IRAG2: variants seen among roughly 807,000 people sequenced by gnomAD.
The protein encoded by IRAG2 is inositol 1,4,5-triphosphate receptor associated 2.
Under a neutral mutation model 69.9 loss-of-function variants are expected in IRAG2, and 45 were observed. The ratio of observed to expected loss-of-function variants is 0.64; its 90% CI spans 0.51 to 0.83. The LOEUF is 0.83. Ranked by LOEUF, IRAG2 falls within the 40% of genes least tolerant of loss-of-function variation. The pLI is 0.00. For missense variants in IRAG2, 520 were observed against 587.0 expected, an observed-to-expected ratio of 0.89 and a Z score of 1.18; for synonymous variants, 193 against 202.4, an observed-to-expected ratio of 0.95 and a Z score of 0.40.
chr12:25,067,082 T>C (rs770611903), intron 5 of IRAG2, among the ~76,000 whole-genome samples: 38 of 152,216 alleles, frequency 2.5e-4, no homozygotes, highest in Admixed American at 1.2e-3. Context: ...GTTTCCACTT[T>C]TTAGGACTAT....
chr12:25,033,756 T>C (rs1944686122), intron 12 of IRAG2: 1 of 395,344 alleles, frequency 2.5e-6, no homozygotes, highest in Non-Finnish European at 4.5e-6. Context: ...TGGCACTGAT[T>C]GTTTCGTGAT....
intron 20 of IRAG2, among the ~76,000 whole-genome samples, chr12:25,104,823 A>G (rs1341420618): frequency 6.6e-6 from 1 of 152,190 alleles, no homozygotes; most frequent in Admixed American, 6.5e-5. Context: ...AACATGAGAT[A>G]TATAACGTAC....
chr12:24,999,838 G>T (rs1238079726), upstream of IRAG2, among the ~76,000 whole-genome samples: 2 of 148,816 alleles, frequency 1.3e-5, no homozygotes, highest in East Asian at 3.9e-4. Flanking sequence ...AAAAATACAA[G>T]ACAGCCAGTG....
chr12:25,102,726 T>C (rs1055399220), intron 17 of IRAG2: 1 of 153,786 alleles, frequency 6.5e-6, no homozygotes, highest in Admixed American at 6.5e-5. Context: ...CAAAGTAACA[T>C]TTCTCTTTCC....
chr12:25,009,800 A>T (rs1248068190), intron 2 of IRAG2, among the ~76,000 whole-genome samples: 1 of 20,742 alleles, frequency 4.8e-5, no homozygotes. Flanking sequence ...CAAGTCTAGA[A>T]GCAGGAAAAA....
intron 12 of IRAG2, chr12:25,032,431 C>A (rs1944674975): frequency 2.5e-6 from 1 of 398,646 alleles, no homozygotes; most frequent in African/African-American, 2.1e-5. Flanking sequence ...ATTATTGGCC[C>A]AATTGAGCTT....
At chr12:25,006,760 T>C (rs942552330) in intron 2 of IRAG2, among the ~76,000 whole-genome samples, 9 of 152,140 alleles carry the variant, frequency 5.9e-5, no homozygotes, top group African/African-American at 1.9e-4. Flanking sequence ...CAGTCACATA[T>C]TATGCTCAGT....
At chr12:25,005,168 CA>C (rs59249841) in intron 1 of IRAG2, 157,010 of 602,822 alleles carry the variant, frequency 0.26, 2,970 homozygotes, top group East Asian at 0.42. Flanking sequence ...TTTGTTAAAC[CA>C]AAAAAAAAAA....
At chr12:25,048,971 T>G (rs1944819179), upstream of IRAG2, among the ~76,000 whole-genome samples, 1 of 152,350 alleles carries the variant, frequency 6.6e-6, no homozygotes, top group East Asian at 1.9e-4. Flanking sequence ...GTTTCAATTT[T>G]CTGCATGTAG....
intron 13 of IRAG2, 48 bp from the exon 14 acceptor site, chr12:25,090,009 A>G (rs751559786): frequency 1.3e-6 from 2 of 1,585,638 alleles, no homozygotes; most frequent in Non-Finnish European, 1.7e-6. Flanking sequence ...ATCTGACCAC[A>G]TCCGGTTTTC....
chr12:25,106,833 A>G (rs2140283783), intron 20 of IRAG2, 110 bp from the exon 21 acceptor site: 2 of 413,330 alleles, frequency 4.8e-6, no homozygotes, highest in Non-Finnish European at 8.7e-6. Context: ...CCTAAAACAG[A>G]ACAAATATTT....
intron 3 of IRAG2, among the ~76,000 whole-genome samples, chr12:25,013,898 A>G: frequency 1.0e-5 from 1 of 100,068 alleles, no homozygotes. Flanking sequence ...TTTTTGAGAC[A>G]GAGTCTCGCT....
intron 14 of IRAG2, among the ~76,000 whole-genome samples, chr12:25,092,030 G>A (rs1025993903): frequency 6.6e-6 from 1 of 152,214 alleles, no homozygotes; most frequent in Non-Finnish European, 1.5e-5. Context: ...ACTTTGGAAG[G>A]CTGAGGCAGG....
chr12:25,026,773 C>T, intron 8 of IRAG2: 1 of 1,165,450 alleles, frequency 8.6e-7, no homozygotes, highest in South Asian at 4.3e-5. Flanking sequence ...TCCAAGAATA[C>T]TATCTTTTAC....
chr12:25,098,449 G>T (rs541129983), intron 15 of IRAG2, among the ~76,000 whole-genome samples: 1 of 152,116 alleles, frequency 6.6e-6, no homozygotes, highest in Admixed American at 6.5e-5. Context: ...GCCTCCCAGC[G>T]TGTGAATCCT....
intron 1 of IRAG2, among the ~76,000 whole-genome samples, chr12:25,057,152 G>A (rs1478655918): frequency 6.6e-6 from 1 of 151,434 alleles, no homozygotes; most frequent in Admixed American, 6.6e-5. Context: ...TGATGCATGT[G>A]ATCTTCTTAG....
intron 8 of IRAG2, among the ~76,000 whole-genome samples, chr12:25,024,507 G>A (rs1944607676): frequency 6.6e-6 from 1 of 152,126 alleles, no homozygotes; most frequent in South Asian, 2.1e-4. Context: ...GAAGAACAGG[G>A]AACAAGCTAC....
rs947535434 is a variant in IRAG2 at position 25,023,905 on chromosome 12, G to A, written c.1367G>A (p.Arg456Gln). 4.9e-6 allele frequency: 6 copies of A among 1,227,340 alleles called. No individual in the cohort carries two copies. In the East Asian group the frequency reaches 9.5e-5, roughly 19 times the overall value. 76.0% of individuals were successfully genotyped at this position (1,227,340 alleles called of 1,614,324 possible). A position where few individuals can be genotyped will look rare whatever the true frequency, so the allele number is the denominator to read the frequency against. The change falls in exon 8 of 39, where the codon CGG becomes CAG. Residue 456 changes from arginine to glutamine, a missense_variant. By Grantham distance (43) the Arg-to-Gln change is conservative (BLOSUM62 1). Transcript: ENST00000636465. ...AACCGGGCTCTGATTCTTAAGATTC[G>A]GATTCTACAGGAAGAGGTATGTCAG...
chr12:25,055,112 G>T (rs954225327), intron 1 of IRAG2, among the ~76,000 whole-genome samples: 2 of 152,196 alleles, frequency 1.3e-5, no homozygotes, highest in Non-Finnish European at 2.9e-5. Context: ...CATCTAAGTT[G>T]CATCAGCACA....
Sources: gnomAD v4.1 joint callset for allele counts (sites outside exome capture counted in the v4.1 genomes callset) on GRCh38, gnomAD v4.1.1 for gene constraint, MANE v1.5 for transcripts, NCBI Gene and HGNC (gene_info 2026-07-23, HGNC 2026-07-21) for gene names.